Variants in RPS6KA3 observed in about 807,000 individuals in gnomAD.
RPS6KA3 encodes ribosomal protein S6 kinase alpha-3.
A neutral mutation model predicts 67.2 loss-of-function variants in RPS6KA3; 4 were observed. The observed-to-expected ratio is 0.06, with a 90% CI of 0.03 to 0.14. The LOEUF (loss-of-function observed/expected upper bound fraction) is 0.14. Among genes scored for constraint, RPS6KA3 ranks in the 10% least tolerant of loss-of-function variants. The pLI is 1.00. For synonymous variants in RPS6KA3, 182 were observed against 183.7 expected (o/e 0.99, Z 0.07); for missense variants, 204 against 559.0 (o/e 0.36, Z 6.40).
intron 19 of RPS6KA3, 39 bp downstream of exon 19, chrX:20,162,925 C>T: frequency 2.2e-6 from 2 of 899,108 alleles, no homozygotes; most frequent in Non-Finnish European, 3.3e-6. Flanking sequence ...CATTGATGAA[C>T]AAATGCTTAG....
intron 9 of RPS6KA3, among the ~76,000 whole-genome samples, chrX:20,187,197 G>A (rs1315990006): frequency 1.8e-5 from 2 of 110,718 alleles, no homozygotes; most frequent in African/African-American, 3.3e-5. Flanking sequence ...GATTACAGGC[G>A]TGAGCCACCG....
chrX:20,163,447 GA>G (rs1160517722), intron 18 of RPS6KA3, among the ~76,000 whole-genome samples: 1 of 101,243 alleles, frequency 9.9e-6, no homozygotes, highest in Non-Finnish European at 1.9e-5. Context: ...CGAACTATGA[GA>G]AATACAAAAA....
chrX:20,161,076 C>T (rs1292052682), intron 20 of RPS6KA3, among the ~76,000 whole-genome samples: 3 of 111,659 alleles, frequency 2.7e-5, no homozygotes, highest in East Asian at 2.8e-4. Flanking sequence ...GCTCTTCAAA[C>T]GATTTCATGC....
At position 20,172,678 on chromosome X, in the gene RPS6KA3, T is replaced by C; in HGVS notation, c.1353+68A>G. Reference sequence around the variant, plus strand: ...ACTTTTAACAACAAGGGGAGTGTAATTTTTAACTGGTACTGACATGCATGA... The same window carrying C: ...ACTTTTAACAACAAGGGGAGTGTAACTTTTAACTGGTACTGACATGCATGA... On this transcript the variant is annotated intron_variant, in intron 15 of 21. Transcript: ENST00000379565. 9.9e-6 allele frequency: 10 copies of C among 1,007,745 alleles called. No individual in the cohort carries two copies. In the South Asian group the frequency reaches 2.1e-4, roughly 21 times the overall value. The allele number at this position is 1,007,745 out of a possible 1,213,427, so 83.0% of individuals were successfully genotyped here. A position where few individuals can be genotyped will look rare whatever the true frequency, so the allele number is the denominator to read the frequency against.
chrX:20,255,143 T>C (rs2070003397), intron 1 of RPS6KA3, among the ~76,000 whole-genome samples: 2 of 112,344 alleles, frequency 1.8e-5, no homozygotes, highest in Admixed American at 1.9e-4. Context: ...AAATAGATTA[T>C]TCAGCCACAT....
At chrX:20,224,349 C>A (rs1459212258) in intron 2 of RPS6KA3, among the ~76,000 whole-genome samples, 1 of 110,632 alleles carries the variant, frequency 9.0e-6, no homozygotes, top group Non-Finnish European at 1.9e-5. Flanking sequence ...TGACAGAGTT[C>A]CTGAAAACTT....
chrX:20,209,959 T>C (rs1288804760), intron 2 of RPS6KA3, among the ~76,000 whole-genome samples: 1 of 112,351 alleles, frequency 8.9e-6, no homozygotes, highest in African/African-American at 3.2e-5. Flanking sequence ...TCTAAGTTAC[T>C]TTCTGTTTCT....
Position 20,169,443 on chromosome X carries a change from G to C in RPS6KA3, c.1402C>G (p.Leu468Val), listed in dbSNP as rs2067520557. The change falls in exon 16 of 22, where the codon CTT (leucine) becomes GTT (valine). Residue 468 changes from leucine (L) to valine (V), a missense_variant. By Grantham distance (32) the Leu-to-Val change is conservative. Coordinates refer to ENST00000379565, the MANE Select transcript of RPS6KA3 (RefSeq NM_004586.3). Reference protein sequence around the residue: ...RDPTEEIEILLRYGQHPNIIT... With the variant: ...RDPTEEIEILVRYGQHPNIIT... ...ATGTTTGGATGCTGTCCATAACGAAGAAGAATTTCAATTTCTTCTGTTGGG... is the reference window on the plus strand; with the variant it reads ...ATGTTTGGATGCTGTCCATAACGAACAAGAATTTCAATTTCTTCTGTTGGG... 2 of 1,196,668 alleles carry C rather than the reference G, an allele frequency of 1.7e-6. No homozygotes were observed. Among genetic ancestry groups the C allele is most frequent in the Admixed American group, 4.3e-5 (2 of 46,100 alleles).
intron 2 of RPS6KA3, among the ~76,000 whole-genome samples, chrX:20,220,315 C>T (rs1037476632): frequency 1.8e-5 from 2 of 111,788 alleles, no homozygotes; most frequent in African/African-American, 3.3e-5. Context: ...GAATTCCGCC[C>T]GGAAAACTGT....
At chrX:20,187,414 T>C (rs2068012901) in intron 9 of RPS6KA3, among the ~76,000 whole-genome samples, 1 of 106,553 alleles carries the variant, frequency 9.4e-6, no homozygotes, top group African/African-American at 3.5e-5. Context: ...ATGTTGGCCA[T>C]GCCGGTCTTG....
Position 20,162,378 on chromosome X carries a change from T to C in RPS6KA3, c.1841+586A>G, listed in dbSNP as rs950834730. Among the ~76,000 whole-genome samples, 7 of 100,110 alleles carry C rather than the reference T, an allele frequency of 7.0e-5. No individual in the cohort carries two copies. In the East Asian group the frequency reaches 1.2e-3, roughly 17 times the overall value. The allele number at this position is 100,110 out of a possible 115,157, so 86.9% of individuals were successfully genotyped here. ...GTCTATGTTTCTAACATGACAAGAG[T>C]ACAAAAAAGTATGGAAAAAATCAAT... On this transcript the variant is annotated intron_variant, in intron 19 of 21. Coordinates refer to ENST00000379565, the MANE Select transcript of RPS6KA3 (RefSeq NM_004586.3).
At chrX:20,211,756 AC>A (rs1473808100) in intron 2 of RPS6KA3, among the ~76,000 whole-genome samples, 2 of 111,585 alleles carry the variant, frequency 1.8e-5, no homozygotes, top group East Asian at 5.5e-4. Flanking sequence ...GTATTAAAAA[AC>A]AAAAAAAACC....
Position 20,195,058 on chromosome X carries a change from T to C in RPS6KA3, c.406+7A>G. ...AAGGGATGATGTGGGAGACGGCTCA[T>C]ACTTACCATAATGCAACTTGACAAT... On this transcript the variant is annotated splice_region_variant and intron_variant, in intron 5 of 21. Coordinates refer to ENST00000379565, the MANE Select transcript of RPS6KA3 (RefSeq NM_004586.3). 3 of 1,148,975 alleles carry C rather than the reference T, an allele frequency of 2.6e-6. No individual in the cohort carries two copies. Among genetic ancestry groups the C allele is most frequent in the Non-Finnish European group, 3.6e-6 (3 of 838,604 alleles). The allele number at this position is 1,148,975 out of a possible 1,213,427, so 94.7% of individuals were successfully genotyped here. A position where few individuals can be genotyped will look rare whatever the true frequency, so the allele number is the denominator to read the frequency against.
intron 7 of RPS6KA3, among the ~76,000 whole-genome samples, chrX:20,193,246 C>A (rs1178894305): frequency 9.0e-6 from 1 of 111,108 alleles, no homozygotes; most frequent in Non-Finnish European, 1.9e-5. Context: ...CCACTGCACT[C>A]CAGCCTGGGC....
chrX:20,156,252 G>A lies in RPS6KA3; in HGVS notation c.1960-3C>T, dbSNP rs1207197365. The A allele has an allele frequency of 7.5e-6, 9 of 1,207,900 alleles. No homozygotes were observed. The highest frequency in any genetic ancestry group is 9.0e-6 in the Non-Finnish European group (8 of 892,361). On this transcript the variant is annotated splice_region_variant and splice_polypyrimidine_tract_variant and intron_variant, in intron 20 of 21. Coordinates refer to ENST00000379565, the MANE Select transcript of RPS6KA3 (RefSeq NM_004586.3). ...TGAAGCATCTTTGACACCAGGTCCT[G>A]TAATGGGAATAATAAAACAAGCTTA... is the stretch of plus-strand genomic sequence containing the variant.
chrX:20,161,919 T>C (rs2067312139), intron 19 of RPS6KA3, among the ~76,000 whole-genome samples, 158 bp from the exon 20 acceptor site: 1 of 109,936 alleles, frequency 9.1e-6, no homozygotes, highest in Non-Finnish European at 1.9e-5. Context: ...AGGTAAAGTA[T>C]AGGTTATAAA....
intron 1 of RPS6KA3, among the ~76,000 whole-genome samples, chrX:20,242,159 T>C (rs2069567931): frequency 1.8e-5 from 2 of 111,751 alleles, no homozygotes; most frequent in African/African-American, 6.5e-5. Context: ...AAGTTCAAAG[T>C]AGGATTTGTA....
In RPS6KA3 at chrX:20,226,850, C is replaced by G. The variant is rs778161737; in HGVS notation, c.126+7908G>C. 2.7e-5 allele frequency among the ~76,000 whole-genome samples: 3 copies of G among 111,401 alleles called. No individual in the cohort carries two copies. In the South Asian group the frequency reaches 1.1e-3, roughly 42 times the overall value. On this transcript the variant is annotated intron_variant, in intron 2 of 21. Transcript: ENST00000379565. ...CAATTTCAGATATTACCTTTAGACA[C>G]CCTATTACAGATGACTTGGCACTCA... is the stretch of plus-strand genomic sequence containing the variant.
intron 2 of RPS6KA3, among the ~76,000 whole-genome samples, chrX:20,223,982 T>C (rs2069048893): frequency 2.7e-5 from 3 of 111,967 alleles, no homozygotes; most frequent in Admixed American, 9.5e-5. Context: ...TTGAGTTCTC[T>C]TATTTATTAA....
Sources: allele counts gnomAD v4.1 joint callset (sites outside exome capture counted in the v4.1 genomes callset), GRCh38; gene constraint gnomAD v4.1.1; transcripts MANE v1.5; gene names NCBI Gene and HGNC (gene_info 2026-07-23, HGNC 2026-07-21).